The following CDKAL1 variants were observed in gnomAD, a reference collection of about 807,000 sequenced individuals.
CDKAL1 encodes the protein threonylcarbamoyladenosine tRNA methylthiotransferase.
In CDKAL1, 32 loss-of-function variants were observed where a neutral mutation model predicts 68.2. The observed-to-expected ratio is 0.47, with a 90% CI of 0.35 to 0.63. The LOEUF is 0.63. CDKAL1 is among the 30% of genes least tolerant of loss of function. The pLI is 0.00. For synonymous variants in CDKAL1, 234 were observed against 244.3 expected, an observed-to-expected ratio of 0.96 and a Z score of 0.39; for missense variants, 606 against 696.7, an observed-to-expected ratio of 0.87 and a Z score of 1.47.
rs80277729 is a variant in CDKAL1, at chr6:20,731,194, T to C, written c.372-8325T>C. Among the ~76,000 whole-genome samples the C allele has an allele frequency of 7.4e-3, 1,124 of 152,278 alleles. 13 individuals carry two copies. Among genetic ancestry groups the C allele is most frequent in the African/African-American group, 0.026 (1,069 of 41,562 alleles). On this transcript the variant is annotated intron_variant, in intron 5 of 15. Transcript: ENST00000274695. ...CTTCGTAGGCCATTCTTATGAACTA[T>C]TAGTCCTTGTGAGATGATGATATAT...
rs1025335966 is a variant in CDKAL1, at chr6:20,905,443, C to T, written c.743-49976C>T. Among the ~76,000 whole-genome samples the T allele has an allele frequency of 7.6e-4, 116 of 152,148 alleles. 1 individual carries two copies. The highest frequency in any genetic ancestry group is 6.0e-3 in the Admixed American group (91 of 15,294). On this transcript the variant is annotated intron_variant, in intron 9 of 15. Transcript: ENST00000274695. ...GGAAACATGAATGGAGTATAAGGGA[C>T]CTGTGGAACCTTACACCATGAAACA... is the stretch of plus-strand genomic sequence containing the variant.
intron 4 of CDKAL1, among the ~76,000 whole-genome samples, chr6:20,573,088 C>T (rs1304123354): frequency 6.6e-6 from 1 of 152,110 alleles, no homozygotes; most frequent in African/African-American, 2.4e-5. Flanking sequence ...AATATGATGA[C>T]ATTTAGCAAG....
intron 4 of CDKAL1, among the ~76,000 whole-genome samples, chr6:20,622,572 G>A (rs1217056350): frequency 6.6e-6 from 1 of 151,956 alleles, no homozygotes; most frequent in Admixed American, 6.6e-5. Context: ...TTTCAGTTTG[G>A]GTCCCTTCCC....
chr6:21,095,621 AG>A (rs1326931483), intron 12 of CDKAL1, among the ~76,000 whole-genome samples: 1 of 150,564 alleles, frequency 6.6e-6, no homozygotes, highest in East Asian at 2.0e-4. Context: ...CTCCTGCCGA[AG>A]GCTTGACAGT....
chr6:20,832,730 A>G (rs1046348954), intron 8 of CDKAL1, among the ~76,000 whole-genome samples: 1 of 152,178 alleles, frequency 6.6e-6, no homozygotes, highest in Non-Finnish European at 1.5e-5. Flanking sequence ...GGTTCTTTGA[A>G]GTTCTTATTG....
intron 4 of CDKAL1, among the ~76,000 whole-genome samples, chr6:20,563,256 A>G (rs1764336158): frequency 6.6e-6 from 1 of 152,216 alleles, no homozygotes; most frequent in South Asian, 2.1e-4. Context: ...TAGCTAGCTT[A>G]CAAAAATGAA....
chr6:21,002,154 G>C (rs1370184432), intron 11 of CDKAL1, among the ~76,000 whole-genome samples: 2 of 152,098 alleles, frequency 1.3e-5, no homozygotes, highest in Non-Finnish European at 2.9e-5. Flanking sequence ...GCTATATAGA[G>C]GTAAAAAGAT....
chr6:20,913,403 C>T (rs72834305), intron 9 of CDKAL1, among the ~76,000 whole-genome samples: 5,434 of 152,222 alleles, frequency 0.036, 163 homozygotes, highest in Middle Eastern at 0.065. Flanking sequence ...TGGATGGAAG[C>T]TTCCCTCAGT....
chr6:20,726,242 T>C (rs1385741525), intron 5 of CDKAL1, among the ~76,000 whole-genome samples: 1 of 152,216 alleles, frequency 6.6e-6, no homozygotes, highest in East Asian at 1.9e-4. Context: ...ATAATAACTC[T>C]TTTGACCAAT....
At chr6:20,636,959 C>T (rs1767932663) in intron 4 of CDKAL1, among the ~76,000 whole-genome samples, 1 of 150,842 alleles carries the variant, frequency 6.6e-6, no homozygotes, top group Non-Finnish European at 1.5e-5. Context: ...ATTGCTTGAA[C>T]CCGGGAAGCA....
In CDKAL1 at chr6:21,108,437, C is replaced by G; in HGVS notation, c.1273C>G (p.His425Asp). ...QRTKDLSRVFHSYSPYDHKIG... is the reference protein window; with the variant it reads ...QRTKDLSRVFDSYSPYDHKIG... ...GACAAAAGATCTTTCTCGGGTGTTT[C>G]ATTCTTACAGTCCATATGATCACAA... The change falls in exon 13 of 16, where the codon CAT becomes GAT. Residue 425 changes from histidine (H) to aspartate (D), a missense_variant. Transcript: ENST00000274695. The G allele has an allele frequency of 1.5e-5, 24 of 1,604,692 alleles. No individual in the cohort carries two copies. Among genetic ancestry groups the G allele is most frequent in the Non-Finnish European group, 2.0e-5 (23 of 1,176,846 alleles).
intron 8 of CDKAL1, among the ~76,000 whole-genome samples, chr6:20,813,831 G>C (rs1011946460): frequency 6.6e-6 from 1 of 152,106 alleles, no homozygotes; most frequent in African/African-American, 2.4e-5. Flanking sequence ...ACACGGAGTT[G>C]ATAAGTGTTG....
chr6:20,646,465 G>T (rs1768464858), intron 4 of CDKAL1, among the ~76,000 whole-genome samples: 3 of 151,632 alleles, frequency 2.0e-5, no homozygotes, highest in Admixed American at 6.6e-5. Context: ...GAATTTTTAA[G>T]CTCCATTATA....
intron 6 of CDKAL1, among the ~76,000 whole-genome samples, chr6:20,749,267 T>C (rs1305926725): frequency 6.6e-6 from 1 of 152,220 alleles, no homozygotes; most frequent in Non-Finnish European, 1.5e-5. Flanking sequence ...CATGAACTGC[T>C]GAACTGCAAG....
At chr6:21,141,036 A>G (rs1011580395) in intron 13 of CDKAL1, among the ~76,000 whole-genome samples, 2 of 151,886 alleles carry the variant, frequency 1.3e-5, no homozygotes, top group Non-Finnish European at 2.9e-5. Context: ...GGGACCCATC[A>G]CCTCCCCCTG....
intron 13 of CDKAL1, among the ~76,000 whole-genome samples, chr6:21,161,503 G>T (rs1319316772): frequency 6.6e-6 from 1 of 152,176 alleles, no homozygotes. Context: ...CCATTGAACT[G>T]AATATGCTCT....
chr6:20,880,228 CT>C (rs1760739522), intron 9 of CDKAL1, among the ~76,000 whole-genome samples: 1 of 150,708 alleles, frequency 6.6e-6, no homozygotes, highest in African/African-American at 2.4e-5. Flanking sequence ...GCTGGTATTA[CT>C]TTTTTTATTC....
At chr6:21,072,676 CTT>C (rs66763305) in intron 12 of CDKAL1, among the ~76,000 whole-genome samples, 5 of 131,188 alleles carry the variant, frequency 3.8e-5, no homozygotes, top group East Asian at 2.2e-4. Context: ...AATAGAGTAT[CTT>C]TTTTTTTTTT....
chr6:20,906,190 C>G (rs1270611504), intron 9 of CDKAL1, among the ~76,000 whole-genome samples: 1 of 151,530 alleles, frequency 6.6e-6, no homozygotes, highest in Admixed American at 6.6e-5. Context: ...GTTTGTAACT[C>G]CCTGTTTTGT....
Sources: allele counts gnomAD v4.1 joint callset (sites outside exome capture counted in the v4.1 genomes callset), GRCh38; gene constraint gnomAD v4.1.1; transcripts MANE v1.5; gene names NCBI Gene and HGNC (gene_info 2026-07-23, HGNC 2026-07-21).